The following ABCB1 variants were observed in gnomAD, a reference collection of about 807,000 sequenced individuals.
ABCB1 encodes ATP binding cassette subfamily B member 1, also known as ATP-dependent translocase ABCB1.
Under a neutral mutation model 142.0 loss-of-function variants are expected in ABCB1, and 69 were observed. The observed-to-expected ratio is 0.49, with a 90% confidence interval of 0.40 to 0.59. The LOEUF (loss-of-function observed/expected upper bound fraction) is 0.59, where lower values mean the gene tolerates loss of function less well. ABCB1 is among the 20% of genes least tolerant of loss of function. ABCB1 has a pLI of 0.00. For missense variants in ABCB1, 1,326 were observed against 1,554.7 expected (o/e 0.85, Z 2.47); for synonymous variants, 532 against 539.2 (o/e 0.99, Z 0.18).
chr7:87,566,646 G>A lies in ABCB1; in HGVS notation c.530+139C>T, dbSNP rs1202168. ...GGAACAAAAGGATGCACACGACATT[G>A]TTGCTGCTTAGAAGGAATTTTGTCT... On this transcript the variant is annotated intron_variant, in intron 6 of 27. Transcript: ENST00000622132. 378,178 of 850,844 alleles carry A rather than the reference G, an allele frequency of 0.44. 87,500 individuals are homozygous for A. The highest frequency in any genetic ancestry group is 0.62 in the East Asian group (23,556 of 37,816). 52.7% of individuals were successfully genotyped at this position (850,844 alleles called of 1,614,324 possible).
chr7:87,667,742 T>A (rs529991887), intron 1 of ABCB1, among the ~76,000 whole-genome samples: 1 of 152,260 alleles, frequency 6.6e-6, no homozygotes, highest in Non-Finnish European at 1.5e-5. Context: ...ATTGAGATAA[T>A]CATATAGTTT....
intron 23 of ABCB1, among the ~76,000 whole-genome samples, chr7:87,518,703 C>T (rs1815356493): frequency 6.6e-6 from 1 of 152,180 alleles, no homozygotes; most frequent in South Asian, 2.1e-4. Flanking sequence ...TCTAGAAGCT[C>T]AGAAAGATTA....
upstream of ABCB1, among the ~76,000 whole-genome samples, chr7:87,602,138 C>T (rs1393801645): frequency 6.6e-6 from 1 of 152,072 alleles, no homozygotes; most frequent in South Asian, 2.1e-4. Flanking sequence ...GGACTACAGG[C>T]TCCCGCCACC....
chr7:87,562,971 C>A (rs1014842796), intron 7 of ABCB1, among the ~76,000 whole-genome samples: 1 of 152,208 alleles, frequency 6.6e-6, no homozygotes, highest in African/African-American at 2.4e-5. Flanking sequence ...TGGTAGTACA[C>A]AACACAGTCA....
At chr7:87,612,040 T>A (rs1342726184) in intron 1 of ABCB1, among the ~76,000 whole-genome samples, 5 of 152,174 alleles carry the variant, frequency 3.3e-5, no homozygotes, top group Non-Finnish European at 7.4e-5. Flanking sequence ...TCCCACTGAA[T>A]CTTGGCACAG....
At chr7:87,569,849 G>A (rs1817961088) in intron 5 of ABCB1, among the ~76,000 whole-genome samples, 1 of 151,880 alleles carries the variant, frequency 6.6e-6, no homozygotes, top group Non-Finnish European at 1.5e-5. Context: ...CACCACACCT[G>A]GCACATATAT....
At chr7:87,691,036 CA>C (rs1446928371) in intron 1 of ABCB1, among the ~76,000 whole-genome samples, 1 of 151,716 alleles carries the variant, frequency 6.6e-6, no homozygotes, top group Non-Finnish European at 1.5e-5. Context: ...GATAGTGATT[CA>C]ATGATCAAAG....
intron 5 of ABCB1, among the ~76,000 whole-genome samples, chr7:87,568,268 A>AT (rs1817876120): frequency 7.2e-6 from 1 of 139,322 alleles, no homozygotes; most frequent in Non-Finnish European, 1.6e-5. Flanking sequence ...AATAATAATA[A>AT]AAATTAGCCG....
At chr7:87,543,553 G>C in intron 17 of ABCB1, among the ~76,000 whole-genome samples, 1 of 152,120 alleles carries the variant, frequency 6.6e-6, no homozygotes, top group African/African-American at 2.4e-5. Flanking sequence ...ACTAAACAGA[G>C]AGCATTCCTT....
intron 1 of ABCB1, among the ~76,000 whole-genome samples, chr7:87,651,267 G>A (rs978297575): frequency 1.3e-5 from 2 of 151,994 alleles, no homozygotes; most frequent in Admixed American, 6.6e-5. Context: ...AGCATTCCAG[G>A]CATTATGTTT....
intron 4 of ABCB1, among the ~76,000 whole-genome samples, chr7:87,582,552 A>G (rs1273342732): frequency 6.6e-6 from 1 of 152,118 alleles, no homozygotes; most frequent in Non-Finnish European, 1.5e-5. Context: ...GAAGATAACA[A>G]CCCCTCACTC....
intron 7 of ABCB1, among the ~76,000 whole-genome samples, chr7:87,565,059 T>C (rs1305794825): frequency 6.6e-6 from 1 of 152,230 alleles, no homozygotes; most frequent in Admixed American, 6.5e-5. Context: ...AGTTTCTTTC[T>C]CTGTAAAGTG....
intron 1 of ABCB1, among the ~76,000 whole-genome samples, chr7:87,620,859 T>C (rs545517957): frequency 6.6e-6 from 1 of 152,102 alleles, no homozygotes; most frequent in Non-Finnish European, 1.5e-5. Context: ...TAAAAGGTGA[T>C]TGTGCAAAAA....
At chr7:87,530,556 GA>G (rs960699909) in intron 21 of ABCB1, among the ~76,000 whole-genome samples, 6 of 148,532 alleles carry the variant, frequency 4.0e-5, no homozygotes, top group Admixed American at 6.7e-5. Flanking sequence ...TAAATAATGG[GA>G]AAAAAAAGAC....
In ABCB1 at chr7:87,550,536, C is replaced by A; in HGVS notation, c.1156G>T (p.Asp386Tyr). ...DSYSKSGHKPDNIKGNLEFRN... is the reference protein window; with the variant it reads ...DSYSKSGHKPYNIKGNLEFRN... Reference sequence around the variant, plus strand: ...AATTCCAAATTTCCCTTAATATTATCTGGTTTGTGCCCACTCTTCGAATAG... The same window carrying A: ...AATTCCAAATTTCCCTTAATATTATATGGTTTGTGCCCACTCTTCGAATAG... The change falls in exon 11 of 28, where the codon GAT becomes TAT. Residue 386 changes from aspartate (D) to tyrosine (Y), a missense_variant. By Grantham distance (160) the Asp-to-Tyr change is radical (BLOSUM62 -3). Coordinates refer to ENST00000622132, the MANE Select transcript of ABCB1 (RefSeq NM_001348946.2). 5.6e-6 allele frequency: 9 copies of A among 1,613,550 alleles called. No individual in the cohort carries two copies. The highest frequency in any genetic ancestry group is 7.6e-6 in the Non-Finnish European group (9 of 1,180,000).
intron 14 of ABCB1, among the ~76,000 whole-genome samples, chr7:87,546,309 C>A (rs1816773766): frequency 6.6e-6 from 1 of 152,148 alleles, no homozygotes; most frequent in Non-Finnish European, 1.5e-5. Context: ...GGGGCTTGGG[C>A]CGGGCGTGGT....
At chr7:87,591,637 C>T (rs1398650852) in intron 3 of ABCB1, among the ~76,000 whole-genome samples, 1 of 151,934 alleles carries the variant, frequency 6.6e-6, no homozygotes, top group Non-Finnish European at 1.5e-5. Flanking sequence ...CCAAAATACT[C>T]AGAAGAATAA....
chr7:87,529,289 T>C (rs1012815267), intron 21 of ABCB1, among the ~76,000 whole-genome samples: 4 of 152,180 alleles, frequency 2.6e-5, no homozygotes, highest in Non-Finnish European at 5.9e-5. Context: ...TTAAATTAGA[T>C]CAAGTATTTA....
intron 21 of ABCB1, among the ~76,000 whole-genome samples, chr7:87,523,465 C>A (rs962514132): frequency 8.6e-5 from 13 of 151,908 alleles, no homozygotes; most frequent in African/African-American, 3.1e-4. Context: ...CCCATCTCTA[C>A]TAAAAATACA....
Sources: allele counts gnomAD v4.1 joint callset (sites outside exome capture counted in the v4.1 genomes callset), GRCh38; gene constraint gnomAD v4.1.1; transcripts MANE v1.5; gene names NCBI Gene and HGNC (gene_info 2026-07-23, HGNC 2026-07-21).